Variants in SLC12A7 observed in about 807,000 individuals in gnomAD.
The protein encoded by SLC12A7 is K-Cl cotransporter 4.
SLC12A7 carries 100 observed loss-of-function variants against 120.6 expected under a neutral mutation model. The ratio of observed to expected loss-of-function variants is 0.83; its 90% CI spans 0.71 to 0.98. SLC12A7 has a LOEUF of 0.98. Among genes scored for constraint, SLC12A7 ranks in the 50% least tolerant of loss-of-function variants. SLC12A7 has a pLI of 0.00. For synonymous variants in SLC12A7, 760 were observed against 678.0 expected (o/e 1.12, Z -1.88); for missense variants, 1,373 against 1,548.1 (o/e 0.89, Z 1.90).
chr5:1,107,200 T>G (rs1742594725), intron 1 of SLC12A7, among the ~76,000 whole-genome samples: 1 of 152,248 alleles, frequency 6.6e-6, no homozygotes, highest in Non-Finnish European at 1.5e-5. Context: ...CAGCCTTCTT[T>G]GAGAAGAAAA....
chr5:1,086,827 G>C (rs1247539607), intron 6 of SLC12A7, 76 bp downstream of exon 6: 11 of 1,565,850 alleles, frequency 7.0e-6, no homozygotes, highest in East Asian at 2.3e-5. Context: ...GTGTGCCACA[G>C]AGTGGGTCAG....
intron 22 of SLC12A7, among the ~76,000 whole-genome samples, chr5:1,055,284 AG>A (rs1735491620): frequency 1.3e-5 from 2 of 152,384 alleles, no homozygotes; most frequent in African/African-American, 4.8e-5. Flanking sequence ...AGACATGCAT[AG>A]TATGTGCACA....
At chr5:1,074,813 A>C (rs1234353552) in intron 15 of SLC12A7, 142 bp from the exon 16 acceptor site, 7 of 726,406 alleles carry the variant, frequency 9.6e-6, no homozygotes, top group African/African-American at 1.8e-5. Flanking sequence ...GGAGGCCTCC[A>C]TGCCCACCCT....
chr5:1,073,515 C>T lies in SLC12A7; in HGVS notation c.2241+118G>A, dbSNP rs1579354980. ...CTCAAAGCCACCGCCACGGCTAAAACACAGCAGCGCCACGCACAGCACCGT... is the reference window on the plus strand; with the variant it reads ...CTCAAAGCCACCGCCACGGCTAAAATACAGCAGCGCCACGCACAGCACCGT... On this transcript the variant is annotated intron_variant, in intron 17 of 23. Coordinates refer to ENST00000264930, the MANE Select transcript of SLC12A7 (RefSeq NM_006598.3). The T allele has an allele frequency of 6.0e-6, 7 of 1,175,982 alleles. No homozygotes were observed. In the Admixed American group the frequency reaches 1.3e-4, roughly 22 times the overall value. 72.8% of individuals were successfully genotyped at this position (1,175,982 alleles called of 1,614,324 possible).
In SLC12A7 at chr5:1,060,455, G is replaced by A. The variant is rs767743592; in HGVS notation, c.2740-4C>T. The A allele has an allele frequency of 3.1e-6, 5 of 1,609,500 alleles. No individual in the cohort carries two copies. In the African/African-American group the frequency reaches 5.3e-5, roughly 17 times the overall value. ...AAGCAGATATGTCGTTTTCAACCTA[G>A]AAAGTTCCCAAGCACGTAGTAAGCC... On this transcript the variant is annotated splice_polypyrimidine_tract_variant and splice_region_variant and intron_variant, in intron 20 of 23. Coordinates refer to ENST00000264930, the MANE Select transcript of SLC12A7 (RefSeq NM_006598.3).
the SLC12A7 span, among the ~76,000 whole-genome samples, chr5:1,145,878 T>C: frequency 2.0e-4 from 30 of 152,192 alleles, no homozygotes; most frequent in African/African-American, 6.7e-4. The surrounding 1 kb of genome is among the most constrained non-coding windows in gnomAD (Gnocchi z 4.4). Flanking sequence ...ACACATAACA[T>C]TTTACCATTT....
intron 3 of SLC12A7, among the ~76,000 whole-genome samples, chr5:1,091,348 G>A (rs1740474838): frequency 6.6e-6 from 1 of 152,220 alleles, no homozygotes; most frequent in Non-Finnish European, 1.5e-5. Flanking sequence ...ATGGCAGGCT[G>A]GGCTCCATCA....
At chr5:1,130,503 C>T in the SLC12A7 span, among the ~76,000 whole-genome samples, 6 of 152,200 alleles carry the variant, frequency 3.9e-5, no homozygotes, top group Non-Finnish European at 7.4e-5. Flanking sequence ...GCCCTGCCCA[C>T]GGCTGCACAC....
At chr5:1,085,625 T>G (rs1345751725) in intron 6 of SLC12A7, 152 bp from the exon 7 acceptor site, 2 of 1,169,842 alleles carry the variant, frequency 1.7e-6, no homozygotes, top group African/African-American at 3.3e-5. Context: ...CCCGCGGGGG[T>G]CAGCGCACAG....
the SLC12A7 span, among the ~76,000 whole-genome samples, chr5:1,123,416 C>T: frequency 6.6e-6 from 1 of 152,194 alleles, no homozygotes; most frequent in African/African-American, 2.4e-5. Context: ...GGTAACACCA[C>T]CAACTCCTGG....
At chr5:1,150,901 C>G in the SLC12A7 span, among the ~76,000 whole-genome samples, 48 of 152,266 alleles carry the variant, frequency 3.2e-4, 1 homozygote, top group African/African-American at 1.1e-3. Flanking sequence ...GCAGAAGCAG[C>G]CTGGTGGTCT....
At chr5:1,117,511 G>A in the SLC12A7 span, among the ~76,000 whole-genome samples, 1 of 152,292 alleles carries the variant, frequency 6.6e-6, no homozygotes, top group Admixed American at 6.5e-5. This position sits in a 1 kb window ranked among gnomAD's most constrained non-coding sequence, Gnocchi z 4.5. Flanking sequence ...TTGTGGTTTA[G>A]GAGTCATGCA....
At chr5:1,053,249 G>GT in intron 23 of SLC12A7, 100 bp downstream of exon 23, 1 of 1,421,852 alleles carries the variant, frequency 7.0e-7, no homozygotes, top group Non-Finnish European at 9.5e-7. Context: ...AGGAGAGGCG[G>GT]GAAGCCAGCC....
the SLC12A7 span, among the ~76,000 whole-genome samples, chr5:1,152,133 T>C: frequency 0.6 from 91,393 of 151,814 alleles, 28,724 homozygotes; most frequent in African/African-American, 0.75. Flanking sequence ...CCCCTCTCCT[T>C]TGCTTTGTGA....
chr5:1,050,828 G>A lies in SLC12A7; in HGVS notation c.*1532C>T, dbSNP rs910600339. ...CTGGGACACGCTCTGGGCAGCAGCC[G>A]TCACTCTACAGCAATGCCAGCCCTA... On this transcript the variant is annotated 3_prime_UTR_variant, in exon 24 of 24. Coordinates refer to ENST00000264930, the MANE Select transcript of SLC12A7 (RefSeq NM_006598.3). The A allele has an allele frequency of 2.8e-4, 110 of 398,500 alleles. No homozygotes were observed. Among genetic ancestry groups the A allele is most frequent in the African/African-American group, 1.9e-3 (93 of 48,640 alleles). 24.7% of individuals were successfully genotyped at this position (398,500 alleles called of 1,614,324 possible).
chr5:1,055,181 CAT>C (rs1735477808), intron 22 of SLC12A7, among the ~76,000 whole-genome samples: 1 of 152,202 alleles, frequency 6.6e-6, no homozygotes, highest in African/African-American at 2.4e-5. Context: ...CACACACAGG[CAT>C]AGTCACACTA....
At chr5:1,085,017 G>A (rs1268972207) in intron 7 of SLC12A7, among the ~76,000 whole-genome samples, 1 of 152,224 alleles carries the variant, frequency 6.6e-6, no homozygotes, top group East Asian at 1.9e-4. Context: ...GGGTCTTCAT[G>A]CTCAGACCCG....
chr5:1,121,313 G>A, the SLC12A7 span, among the ~76,000 whole-genome samples: 6 of 152,270 alleles, frequency 3.9e-5, no homozygotes, highest in Admixed American at 1.3e-4. Context: ...TCCCCAGACA[G>A]CAGTGGTGCC....
At chr5:1,082,770 G>A (rs928042100) in intron 8 of SLC12A7, among the ~76,000 whole-genome samples, 1 of 144,302 alleles carries the variant, frequency 6.9e-6, no homozygotes. Flanking sequence ...TTCCCGTCTT[G>A]GGTTCTGGAA....
Sources: allele counts gnomAD v4.1 joint callset (sites outside exome capture counted in the v4.1 genomes callset), GRCh38; gene constraint gnomAD v4.1.1; non-coding constraint Gnocchi (gnomAD v3.1); transcripts MANE v1.5; gene names NCBI Gene and HGNC (gene_info 2026-07-23, HGNC 2026-07-21).